The following TMEM164 variants were observed in gnomAD, a reference collection of about 807,000 sequenced individuals.
TMEM164 encodes the protein RP13-360B22.2.
A neutral mutation model predicts 18.8 loss-of-function variants in TMEM164; 4 were observed. The observed-to-expected ratio is 0.21, with a 90% CI of 0.10 to 0.49. The LOEUF (loss-of-function observed/expected upper bound fraction) is 0.49. TMEM164 is among the 20% of genes least tolerant of loss of function. TMEM164 has a pLI of 0.98. For synonymous variants in TMEM164, 86 were observed against 101.7 expected, an observed-to-expected ratio of 0.85 and a Z score of 0.93; for missense variants, 108 against 239.9, an observed-to-expected ratio of 0.45 and a Z score of 3.63.
At chrX:110,179,075 G>T (rs1181007006), downstream of TMEM164, among the ~76,000 whole-genome samples, 1 of 111,597 alleles carries the variant, frequency 9.0e-6, no homozygotes, top group Non-Finnish European at 1.9e-5. Context: ...AGGAATCAAG[G>T]CCTGTCAGCA....
chrX:110,136,815 C>T (rs1026733559), intron 4 of TMEM164, among the ~76,000 whole-genome samples: 12 of 111,704 alleles, frequency 1.1e-4, no homozygotes, highest in African/African-American at 3.9e-4. Flanking sequence ...TTATGCTTCT[C>T]CAGCATCTCC....
chrX:110,075,537 G>T (rs771462427), intron 3 of TMEM164, among the ~76,000 whole-genome samples: 1 of 111,640 alleles, frequency 9.0e-6, no homozygotes. Flanking sequence ...TCTTGTTCCA[G>T]TTCTCAAGGG....
chrX:110,022,892 C>T (rs1281972199), intron 2 of TMEM164, among the ~76,000 whole-genome samples: 2 of 111,983 alleles, frequency 1.8e-5, no homozygotes, highest in Admixed American at 9.4e-5. Flanking sequence ...AGTTCAAGCC[C>T]GTCGTTTTGC....
At chrX:110,032,850 C>T (rs1163998434) in intron 2 of TMEM164, among the ~76,000 whole-genome samples, 1 of 111,927 alleles carries the variant, frequency 8.9e-6, no homozygotes, top group African/African-American at 3.2e-5. Flanking sequence ...CTGTAAAAGC[C>T]AGGCAGCTAA....
In TMEM164 at chrX:110,139,189, C is replaced by T. The variant is rs758159014; in HGVS notation, c.508-5609C>T. On this transcript the variant is annotated intron_variant, in intron 4 of 6. Coordinates refer to ENST00000372068, the MANE Select transcript of TMEM164 (RefSeq NM_032227.4). Reference sequence around the variant, plus strand: ...GATAGCAATGATCCAGTGAGAAAAACAGACAATTGCTGGTATGACATTCTT... The same window carrying T: ...GATAGCAATGATCCAGTGAGAAAAATAGACAATTGCTGGTATGACATTCTT... Among the ~76,000 whole-genome samples the T allele has an allele frequency of 3.6e-5, 4 of 112,255 alleles. No homozygotes were observed. The East Asian group carries it at 1.1e-3, about 31-fold the overall frequency.
chrX:110,134,559 CAAAAAAAA>C (rs34533045), intron 4 of TMEM164, among the ~76,000 whole-genome samples: 1 of 29,756 alleles, frequency 3.4e-5, no homozygotes, highest in Non-Finnish European at 5.4e-5. Flanking sequence ...GACTCTGTCT[CAAAAAAAA>C]AAAAAAAAAA....
At chrX:110,019,987 T>G (rs1933715066) in intron 2 of TMEM164, among the ~76,000 whole-genome samples, 1 of 112,347 alleles carries the variant, frequency 8.9e-6, no homozygotes, top group Non-Finnish European at 1.9e-5. Flanking sequence ...GACAGAAATA[T>G]TCTTTCTTTT....
chrX:110,046,136 G>A lies in TMEM164; in HGVS notation c.391-21211G>A, dbSNP rs903315829. 3.1e-5 allele frequency: 23 copies of A among 752,557 alleles called. No homozygotes were observed. The African/African-American group carries it at 3.5e-4, about 11-fold the overall frequency. 62.0% of individuals were successfully genotyped at this position (752,557 alleles called of 1,213,427 possible). A position where few individuals can be genotyped will look rare whatever the true frequency, so the allele number is the denominator to read the frequency against. On this transcript the variant is annotated intron_variant, in intron 2 of 6. Coordinates refer to ENST00000372068, the MANE Select transcript of TMEM164 (RefSeq NM_032227.4). Reference sequence around the variant, plus strand: ...TGCTGAAGACTATTCTAGGTATTACGGGGAACAGTGGAAAAACACAGATAC... The same window carrying A: ...TGCTGAAGACTATTCTAGGTATTACAGGGAACAGTGGAAAAACACAGATAC...
At chrX:110,055,916 G>C (rs371539006) in intron 2 of TMEM164, among the ~76,000 whole-genome samples, 3 of 111,008 alleles carry the variant, frequency 2.7e-5, no homozygotes, top group East Asian at 5.7e-4. Context: ...GGGGTCAAAT[G>C]ATGATGCAGG....
At chrX:110,090,482 T>A (rs1264153058) in intron 3 of TMEM164, among the ~76,000 whole-genome samples, 1 of 109,577 alleles carries the variant, frequency 9.1e-6, no homozygotes, top group Non-Finnish European at 1.9e-5. Context: ...ATTTTTTGTA[T>A]TTATTTATTT....
intron 4 of TMEM164, among the ~76,000 whole-genome samples, chrX:110,143,185 A>G (rs1434375196): frequency 8.9e-6 from 1 of 111,985 alleles, no homozygotes; most frequent in Admixed American, 9.4e-5. Flanking sequence ...ACCCTTTTGC[A>G]CCTCAGTTTC....
intron 4 of TMEM164, among the ~76,000 whole-genome samples, chrX:110,115,947 G>A (rs1306002510): frequency 3.6e-5 from 4 of 110,838 alleles, no homozygotes; most frequent in Non-Finnish European, 5.7e-5. Flanking sequence ...AAATAGCTGG[G>A]CGTGGTGGCA....
chrX:110,155,132 A>C (rs2066999048), intron 5 of TMEM164, among the ~76,000 whole-genome samples: 1 of 111,285 alleles, frequency 9.0e-6, no homozygotes, highest in Admixed American at 9.5e-5. Flanking sequence ...AAGCCGCAGA[A>C]CCTTGCATGA....
At chrX:110,148,770 C>T (rs1419742636) in intron 5 of TMEM164, among the ~76,000 whole-genome samples, 1 of 102,469 alleles carries the variant, frequency 9.8e-6, no homozygotes, top group Non-Finnish European at 2.0e-5. Context: ...AAGTGATCTT[C>T]CCACTTCAGC....
chrX:110,141,959 C>T (rs1008102091), intron 4 of TMEM164, among the ~76,000 whole-genome samples: 3 of 111,795 alleles, frequency 2.7e-5, no homozygotes, highest in African/African-American at 9.8e-5. Flanking sequence ...TAGTTCAGTA[C>T]TCTTTGTGGC....
At chrX:110,082,403 T>C (rs752990156) in intron 3 of TMEM164, among the ~76,000 whole-genome samples, 4 of 111,992 alleles carry the variant, frequency 3.6e-5, no homozygotes, top group Non-Finnish European at 7.5e-5. Context: ...AGCCATTTTC[T>C]TTTGACTCAT....
chrX:110,051,583 CAAAA>C (rs752516546), intron 2 of TMEM164, among the ~76,000 whole-genome samples: 4 of 65,838 alleles, frequency 6.1e-5, no homozygotes, highest in African/African-American at 2.0e-4. Flanking sequence ...AACTTTCTTT[CAAAA>C]AAAAAAAAAG....
intron 2 of TMEM164, among the ~76,000 whole-genome samples, chrX:110,035,230 ATAAAAT>A (rs1430449536): frequency 9.0e-6 from 1 of 110,674 alleles, no homozygotes; most frequent in Non-Finnish European, 1.9e-5. Context: ...TAATAATAAA[ATAAAAT>A]TAAAAAAAGA....
At chrX:110,020,212 C>A (rs1278240899) in intron 2 of TMEM164, 1 of 167,155 alleles carries the variant, frequency 6.0e-6, no homozygotes, top group Non-Finnish European at 9.7e-6. Context: ...TTTTTGTATC[C>A]CCCGCACAGC....
Sources: allele counts gnomAD v4.1 joint callset (sites outside exome capture counted in the v4.1 genomes callset), GRCh38; gene constraint gnomAD v4.1.1; transcripts MANE v1.5; gene names NCBI Gene and HGNC (gene_info 2026-07-23, HGNC 2026-07-21).